Variants in ROBO2 observed in about 807,000 individuals in gnomAD.
ROBO2 encodes roundabout guidance receptor 2.
Under a neutral mutation model 160.8 loss-of-function variants are expected in ROBO2, and 53 were observed. The observed-to-expected ratio is 0.33, with a 90% CI of 0.26 to 0.41. ROBO2 has a LOEUF of 0.41. Ranked by LOEUF, ROBO2 falls within the 10% of genes least tolerant of loss-of-function variation. The pLI, the probability that ROBO2 is intolerant of heterozygous loss-of-function variation, is 1.00. For synonymous variants in ROBO2, 664 were observed against 611.7 expected (o/e 1.09, Z -1.26); for missense variants, 1,577 against 1,722.4 (o/e 0.92, Z 1.49).
intron 2 of ROBO2, among the ~76,000 whole-genome samples, chr3:76,261,147 A>T (rs1448461541): frequency 1.3e-5 from 2 of 149,234 alleles, no homozygotes; most frequent in Non-Finnish European, 3.0e-5. Context: ...TTGTGCTCAA[A>T]TTTTTCTTTT....
At chr3:77,115,393 C>T (rs1364158367) in intron 2 of ROBO2, among the ~76,000 whole-genome samples, 1 of 152,094 alleles carries the variant, frequency 6.6e-6, no homozygotes, top group Non-Finnish European at 1.5e-5. Flanking sequence ...TATATGAGCG[C>T]TATGTCATCT....
intron 1 of ROBO2, among the ~76,000 whole-genome samples, chr3:77,074,775 A>G (rs2067782226): frequency 1.3e-5 from 2 of 152,060 alleles, no homozygotes; most frequent in South Asian, 4.1e-4. Flanking sequence ...AAATCCTTTG[A>G]AGAAATAATG....
At chr3:76,066,220 T>A (rs1347935505) in intron 2 of ROBO2, among the ~76,000 whole-genome samples, 2 of 152,164 alleles carry the variant, frequency 1.3e-5, no homozygotes, top group Non-Finnish European at 2.9e-5. Context: ...TAGCATGACA[T>A]GCTAATAACT....
intron 9 of ROBO2, among the ~76,000 whole-genome samples, chr3:77,559,223 A>C (rs1450076570): frequency 1.3e-5 from 2 of 152,010 alleles, no homozygotes; most frequent in Non-Finnish European, 2.9e-5. Context: ...ACACTTTTGC[A>C]ATATTATATT....
intron 2 of ROBO2, among the ~76,000 whole-genome samples, chr3:76,420,864 A>G (rs17735556): frequency 0.36 from 54,738 of 152,066 alleles, 11,309 homozygotes; most frequent in South Asian, 0.47. Context: ...TCCACAGAAA[A>G]TTGTCATTCC....
At chr3:76,216,426 A>G (rs1184489300) in intron 2 of ROBO2, among the ~76,000 whole-genome samples, 1 of 152,198 alleles carries the variant, frequency 6.6e-6, no homozygotes, top group African/African-American at 2.4e-5. Context: ...TCTCACATGC[A>G]GAGACACATA....
intron 2 of ROBO2, among the ~76,000 whole-genome samples, chr3:76,624,402 G>C (rs1039687088): frequency 1.3e-5 from 2 of 152,090 alleles, no homozygotes; most frequent in Admixed American, 1.3e-4. Context: ...GGTGCTTATA[G>C]AGCCAGGCTT....
At chr3:77,292,835 T>C (rs1216912830) in intron 2 of ROBO2, among the ~76,000 whole-genome samples, 2 of 149,594 alleles carry the variant, frequency 1.3e-5, no homozygotes, top group Admixed American at 1.3e-4. Flanking sequence ...AAACTGACGG[T>C]TAAACGGGTA....
intron 2 of ROBO2, among the ~76,000 whole-genome samples, chr3:76,189,116 C>A (rs1046062101): frequency 6.6e-6 from 1 of 151,908 alleles, no homozygotes; most frequent in African/African-American, 2.4e-5. Context: ...GTTGCTCTTT[C>A]CAGAAAGTTG....
intron 2 of ROBO2, among the ~76,000 whole-genome samples, chr3:77,388,953 G>A (rs1450455896): frequency 6.6e-6 from 1 of 152,108 alleles, no homozygotes; most frequent in African/African-American, 2.4e-5. Flanking sequence ...CTATTTTGTT[G>A]TTGTTGTTGA....
At chr3:77,319,593 T>C (rs1044760673) in intron 2 of ROBO2, among the ~76,000 whole-genome samples, 3 of 152,198 alleles carry the variant, frequency 2.0e-5, no homozygotes, top group South Asian at 2.1e-4. Context: ...ACAGCTTCAA[T>C]TGAAGCCTCT....
At chr3:77,532,180 G>C (rs2091781784) in intron 6 of ROBO2, among the ~76,000 whole-genome samples, 1 of 151,996 alleles carries the variant, frequency 6.6e-6, no homozygotes, top group Non-Finnish European at 1.5e-5. Flanking sequence ...AACAGGAGGA[G>C]AGGCTGGGTC....
At chr3:75,938,119 A>G (rs977333806) in intron 2 of ROBO2, among the ~76,000 whole-genome samples, 2 of 151,958 alleles carry the variant, frequency 1.3e-5, no homozygotes, top group Non-Finnish European at 2.9e-5. Context: ...GATGTTTCTC[A>G]TTCTTCCGCC....
intron 2 of ROBO2, among the ~76,000 whole-genome samples, chr3:76,922,580 GGAA>G (rs1216251249): frequency 6.6e-6 from 1 of 152,190 alleles, no homozygotes; most frequent in Non-Finnish European, 1.5e-5. Flanking sequence ...TATTTCTGGA[GGAA>G]GAACAGTGTA....
chr3:76,585,489 C>A (rs2085975351), intron 2 of ROBO2, among the ~76,000 whole-genome samples: 1 of 152,176 alleles, frequency 6.6e-6, no homozygotes, highest in African/African-American at 2.4e-5. Context: ...GGTCTCACCC[C>A]AGAGTTCTGA....
chr3:76,465,046 G>A (rs894500276), intron 2 of ROBO2, among the ~76,000 whole-genome samples: 1 of 152,056 alleles, frequency 6.6e-6, no homozygotes, highest in African/African-American at 2.4e-5. Context: ...TGGTAAACAA[G>A]TACATGAATT....
intron 16 of ROBO2, among the ~76,000 whole-genome samples, chr3:77,582,657 ATAGTGTCAC>A (rs1269093996): frequency 6.6e-6 from 1 of 152,064 alleles, no homozygotes; most frequent in Admixed American, 6.6e-5. Flanking sequence ...CTAGAGCAGT[ATAGTGTCAC>A]TCCTTTTCCT....
chr3:77,291,149 A>T (rs1288833467), intron 2 of ROBO2, among the ~76,000 whole-genome samples: 1 of 151,818 alleles, frequency 6.6e-6, no homozygotes, highest in Non-Finnish European at 1.5e-5. Context: ...ACTGATGGTT[A>T]AACGGGAAGT....
intron 2 of ROBO2, among the ~76,000 whole-genome samples, chr3:76,520,225 C>T (rs575632836): frequency 4.6e-5 from 7 of 152,148 alleles, no homozygotes; most frequent in East Asian, 3.9e-4. Context: ...CCGAGGCAGG[C>T]GGATCACCTG....
Sources: gnomAD v4.1 joint callset for allele counts (sites outside exome capture counted in the v4.1 genomes callset) on GRCh38, gnomAD v4.1.1 for gene constraint, MANE v1.5 for transcripts, NCBI Gene and HGNC (gene_info 2026-07-23, HGNC 2026-07-21) for gene names.